Variants in KLHL20 observed in about 807,000 individuals in gnomAD.
The protein encoded by KLHL20 is kelch-like protein 20.
Under a neutral mutation model 69.5 loss-of-function variants are expected in KLHL20, and 29 were observed. The ratio of observed to expected loss-of-function variants is 0.42; its 90% CI spans 0.31 to 0.57. The LOEUF (loss-of-function observed/expected upper bound fraction) is 0.57. Ranked by LOEUF, KLHL20 falls within the 20% of genes least tolerant of loss-of-function variation. The pLI, the probability that KLHL20 is intolerant of heterozygous loss-of-function variation, is 0.18. For missense variants in KLHL20, 419 were observed against 776.0 expected (o/e 0.54, Z 5.47); for synonymous variants, 253 against 265.2 (o/e 0.95, Z 0.45).
chr1:173,718,012 T>G (rs183358669), intron 2 of KLHL20, among the ~76,000 whole-genome samples: 29 of 152,308 alleles, frequency 1.9e-4, no homozygotes, highest in African/African-American at 6.5e-4. Context: ...AGGCAACCAC[T>G]GTAAGCAGTT....
At chr1:173,774,737 C>A (rs1648340794) in intron 9 of KLHL20, among the ~76,000 whole-genome samples, 1 of 108,440 alleles carries the variant, frequency 9.2e-6, no homozygotes, top group Non-Finnish European at 1.7e-5. Context: ...CACAACTTCT[C>A]CTCAAAACCA....
intron 8 of KLHL20, among the ~76,000 whole-genome samples, chr1:173,773,836 ACC>A (rs1413196294): frequency 6.6e-6 from 1 of 152,012 alleles, no homozygotes; most frequent in African/African-American, 2.4e-5. Context: ...ACATGGCGAA[ACC>A]CCATCTCTAC....
intron 8 of KLHL20, among the ~76,000 whole-genome samples, chr1:173,773,415 TTTAAATAAATAAATATTAA>T (rs1470048385): frequency 2.0e-5 from 3 of 149,960 alleles, no homozygotes; most frequent in Non-Finnish European, 3.0e-5. Context: ...GACCCCTATT[TTTAAATAAATAAATATTAA>T]TTAAATAAAT....
intron 3 of KLHL20, among the ~76,000 whole-genome samples, chr1:173,746,439 G>A (rs1673062676): frequency 6.6e-6 from 1 of 152,024 alleles, no homozygotes; most frequent in Non-Finnish European, 1.5e-5. Flanking sequence ...AAGTTTTTCT[G>A]TTTCTTCTAT....
At chr1:173,739,364 G>A (rs1199525260) in intron 3 of KLHL20, among the ~76,000 whole-genome samples, 10 of 152,058 alleles carry the variant, frequency 6.6e-5, no homozygotes, top group South Asian at 4.1e-4. Flanking sequence ...GAGCCATCAC[G>A]CCTGGCCCAA....
intron 10 of KLHL20, among the ~76,000 whole-genome samples, chr1:173,779,688 A>G (rs894980277): frequency 6.6e-6 from 1 of 152,082 alleles, no homozygotes; most frequent in African/African-American, 2.4e-5. Flanking sequence ...TTTCTGAAAC[A>G]ATCTCCCCAA....
intron 4 of KLHL20, among the ~76,000 whole-genome samples, chr1:173,752,499 G>C (rs1237577488): frequency 6.6e-6 from 1 of 152,144 alleles, no homozygotes; most frequent in Non-Finnish European, 1.5e-5. Flanking sequence ...AGAAAGCAAG[G>C]ATGCTTCTTT....
Position 173,730,332 on chromosome 1 carries a change from C to T in KLHL20, c.24-3381C>T, listed in dbSNP as rs542151164. 1.5e-4 allele frequency among the ~76,000 whole-genome samples: 23 copies of T among 151,796 alleles called. No individual in the cohort carries two copies. The East Asian group carries it at 3.3e-3, about 22-fold the overall frequency. ...TAGATTCAGTGCCATCCCCATCAAG[C>T]TACCAATGACTTTCTTCACAGAATT... On this transcript the variant is annotated intron_variant, in intron 2 of 11. Transcript: ENST00000209884.
At chr1:173,768,392 A>T (rs948336958) in intron 8 of KLHL20, among the ~76,000 whole-genome samples, 1 of 152,114 alleles carries the variant, frequency 6.6e-6, no homozygotes, top group African/African-American at 2.4e-5. Context: ...ATGAGTCATG[A>T]CTCTAAAATT....
At chr1:173,718,274 C>T (rs1013494425) in intron 2 of KLHL20, among the ~76,000 whole-genome samples, 1 of 151,780 alleles carries the variant, frequency 6.6e-6, no homozygotes, top group Non-Finnish European at 1.5e-5. Flanking sequence ...CACAGTGGCT[C>T]ACACCTGTAA....
chr1:173,725,734 T>C (rs1413251582), intron 2 of KLHL20, among the ~76,000 whole-genome samples: 5 of 152,176 alleles, frequency 3.3e-5, no homozygotes, highest in Admixed American at 2.0e-4. Flanking sequence ...CCATCATGCT[T>C]CTCTAAAGCC....
In KLHL20 at chr1:173,785,147, G is replaced by A; in HGVS notation, c.1746-16G>A. 2 of 1,604,470 alleles carry A rather than the reference G, an allele frequency of 1.2e-6. No individual in the cohort carries two copies. The highest frequency in any genetic ancestry group is 1.7e-6 in the Non-Finnish European group (2 of 1,173,998). On this transcript the variant is annotated splice_polypyrimidine_tract_variant and intron_variant, in intron 11 of 11. Transcript: ENST00000209884. The stretch of plus-strand genomic sequence containing the variant: ...TTTTCCAGTTAGAAAATATGATTAT[G>A]TTTCTTTCTTTGCAGGTTATATGGC...
At chr1:173,749,473 G>T (rs1412403118) in intron 3 of KLHL20, among the ~76,000 whole-genome samples, 1 of 152,080 alleles carries the variant, frequency 6.6e-6, no homozygotes, top group East Asian at 1.9e-4. Context: ...TTCTTAACTT[G>T]GTTATTTGAT....
At chr1:173,768,668 T>C (rs1647886159) in intron 8 of KLHL20, among the ~76,000 whole-genome samples, 1 of 152,214 alleles carries the variant, frequency 6.6e-6, no homozygotes, top group Admixed American at 6.5e-5. Context: ...TTCTGGAGAT[T>C]GGAGTTACAC....
rs374675002 is a variant in KLHL20, at chr1:173,755,969, C to T, written c.898C>T (p.Arg300Ter). ...AKNYLLLPQE[R>*]PLMQGPRTRP... ...AAACTACCTCCTATTGCCGCAAGAA[C>T]GACCACTAATGCAAGGACCAAGGAC... The change falls in exon 6 of 12, where the codon CGA becomes TGA. Residue 300 changes from arginine (R) to a stop codon, truncating the protein, a stop_gained. Transcript: ENST00000209884. LOFTEE classifies it high-confidence loss of function. 9.3e-6 allele frequency: 15 copies of T among 1,613,910 alleles called. No individual in the cohort carries two copies. The highest frequency in any genetic ancestry group is 4.5e-5 in the East Asian group (2 of 44,866).
Position 173,786,368 on chromosome 1 carries a change from G to C in KLHL20, c.*1121G>C, listed in dbSNP as rs41310857. On this transcript the variant is annotated 3_prime_UTR_variant, in exon 12 of 12. Coordinates refer to ENST00000209884, the MANE Select transcript of KLHL20 (RefSeq NM_014458.4). ...TACTTCTCTCAAATTGCACTTTCTG[G>C]TAAAAAGTTAAAAATTTTTAAGGAA... 1 of 152,394 alleles carries C rather than the reference G, an allele frequency of 6.6e-6. No homozygotes were observed. The highest frequency in any genetic ancestry group is 1.5e-5 in the Non-Finnish European group (1 of 67,996). 9.4% of individuals were successfully genotyped at this position (152,394 alleles called of 1,614,324 possible).
chr1:173,741,758 C>A, intron 3 of KLHL20: 1 of 1,439,486 alleles, frequency 6.9e-7, no homozygotes, highest in Non-Finnish European at 9.6e-7. Flanking sequence ...TTCAGAGCCC[C>A]AATTCCTACT....
In KLHL20 at chr1:173,734,198, G is replaced by A; in HGVS notation, c.509G>A (p.Cys170Tyr). Reference sequence around the variant, plus strand: ...AAGAGACAATTAGATCCTTCTAACTGCCTGGGCATTCGGGCTTTTGCTGAC... The same window carrying A: ...AAGAGACAATTAGATCCTTCTAACTACCTGGGCATTCGGGCTTTTGCTGAC... ...FLKRQLDPSN[C>Y]LGIRAFADTH... The change falls in exon 3 of 12, where the codon TGC (cysteine) becomes TAC (tyrosine). Residue 170 changes from cysteine to tyrosine, a missense_variant. Transcript: ENST00000209884. 1 of 1,614,188 alleles carries A rather than the reference G, an allele frequency of 6.2e-7. No homozygotes were observed. The highest frequency in any genetic ancestry group is 8.5e-7 in the Non-Finnish European group (1 of 1,180,038).
intron 4 of KLHL20, 33 bp from the exon 5 acceptor site, chr1:173,753,180 T>A: frequency 6.5e-7 from 1 of 1,544,234 alleles, no homozygotes. Context: ...TCAAAATTAA[T>A]TAATTAAAAT....
Sources: allele counts gnomAD v4.1 joint callset (sites outside exome capture counted in the v4.1 genomes callset), GRCh38; gene constraint gnomAD v4.1.1; transcripts MANE v1.5; gene names NCBI Gene and HGNC (gene_info 2026-07-23, HGNC 2026-07-21).